Variants in DUOX1 observed in about 807,000 individuals in gnomAD.
The protein encoded by DUOX1 is NADPH thyroid oxidase 1.
DUOX1 carries 134 observed loss-of-function variants against 181.8 expected under a neutral mutation model. The observed-to-expected ratio is 0.74, with a 90% CI of 0.64 to 0.85. The LOEUF (loss-of-function observed/expected upper bound fraction) is 0.85. Among genes scored for constraint, DUOX1 ranks in the 40% least tolerant of loss-of-function variants. The pLI is 0.00. For synonymous variants in DUOX1, 798 were observed against 832.5 expected (o/e 0.96, Z 0.71); for missense variants, 1,814 against 2,064.4 (o/e 0.88, Z 2.35).
chr15:45,140,034 GC>G, intron 12 of DUOX1: 1 of 1,358,142 alleles, frequency 7.4e-7, no homozygotes, highest in Non-Finnish European at 9.9e-7. Flanking sequence ...TGAGGCGGAG[GC>G]CCAGCATGCC....
rs766223570 is a variant in DUOX1 at position 45,161,799 on chromosome 15, G to A, written c.3918G>A (p.Val1306=). 6.8e-6 allele frequency: 11 copies of A among 1,614,046 alleles called. No homozygotes were observed. The highest frequency in any genetic ancestry group is 1.1e-5 in the South Asian group (1 of 91,076). ...TTGAGTACAAGTCAGGGCAGTGGGT[G>A]CGGATCGCTTGCCTGGCTCTGGGGA... The part of the protein sequence containing the change: ...QGFEYKSGQW[V]RIACLALGTT... Residue 1306 remains valine, a synonymous_variant, in exon 30 of 34, where the codon GTG becomes GTA. Coordinates refer to ENST00000389037, the MANE Select transcript of DUOX1 (RefSeq NM_175940.3).
Position 45,135,581 on chromosome 15 carries a change from C to T in DUOX1, c.603C>T (p.Pro201=), listed in dbSNP as rs76210824. 6.7e-3 allele frequency: 10,433 copies of T among 1,562,038 alleles called. 221 individuals carry two copies. The African/African-American group carries it at 0.12, about 18-fold the overall frequency. ...SFSRGQLASG[P]DPAFPRDSQN... ...CCAGGGGACAGCTGGCGTCGGGGCC[C>T]GACCCCGCTTTTCCCCGAGACTCGC... is the stretch of plus-strand genomic sequence containing the variant. The change falls in exon 6 of 34, where the codon CCC becomes CCT. Residue 201 remains proline (P), a synonymous_variant. Transcript: ENST00000389037.
chr15:45,156,181 C>T (rs1371838998), intron 28 of DUOX1, among the ~76,000 whole-genome samples: 1 of 152,178 alleles, frequency 6.6e-6, no homozygotes, highest in East Asian at 1.9e-4. Context: ...GATCTCCATT[C>T]CTCGCAGACA....
chr15:45,135,380 GC>G, intron 5 of DUOX1, 89 bp downstream of exon 5: 1 of 1,495,094 alleles, frequency 6.7e-7, no homozygotes, highest in South Asian at 1.3e-5. Context: ...GGGGAGAGGC[GC>G]CCACTCCCCA....
At position 45,152,476 on chromosome 15, in the gene DUOX1, C is replaced by G. The variant is rs747644262; in HGVS notation, c.3384C>G (p.Asp1128Glu). The stretch of plus-strand genomic sequence containing the variant: ...ACGTGCCCTTCGACGCCGCCGTGGA[C>G]TTCCATCGCCTCATTGCCTCCACCG... ...NRYVPFDAAVDFHRLIASTAI... is the reference protein window; with the variant it reads ...NRYVPFDAAVEFHRLIASTAI... Residue 1128 changes from aspartate (D) to glutamate (E), a missense_variant, in exon 25 of 34, where the codon GAC (aspartate) becomes GAG (glutamate). Transcript: ENST00000389037. 1 of 1,614,070 alleles carries G rather than the reference C, an allele frequency of 6.2e-7. No homozygotes were observed. Among genetic ancestry groups the G allele is most frequent in the African/African-American group, 1.3e-5 (1 of 74,936 alleles).
intron 7 of DUOX1, 71 bp downstream of exon 7, chr15:45,136,019 G>A: frequency 9.5e-7 from 1 of 1,048,484 alleles, no homozygotes; most frequent in Non-Finnish European, 1.4e-6. Context: ...CTGCCCCATG[G>A]AGCTCCCCAT....
intron 9 of DUOX1, among the ~76,000 whole-genome samples, chr15:45,137,452 T>C (rs1048370761): frequency 1.3e-5 from 2 of 151,996 alleles, no homozygotes; most frequent in Non-Finnish European, 2.9e-5. Context: ...TTTATATTTT[T>C]ACAATTGCTT....
intron 19 of DUOX1, 122 bp downstream of exon 19, chr15:45,147,780 A>T: frequency 2.6e-6 from 4 of 1,536,108 alleles, no homozygotes; most frequent in Non-Finnish European, 3.6e-6. Flanking sequence ...CGAGGTCAGG[A>T]AGCAGAGCGA....
At chr15:45,151,833 C>G in intron 23 of DUOX1, 41 bp from the exon 24 acceptor site, 1 of 1,584,650 alleles carries the variant, frequency 6.3e-7, no homozygotes, top group Non-Finnish European at 8.6e-7. Flanking sequence ...AGCGTTGGGT[C>G]CCATGGTGGG....
In DUOX1 at chr15:45,140,910, G is replaced by GTAC; in HGVS notation, c.1405_1406insTAC (p.Ala469delinsValPro). On this transcript the variant is annotated protein_altering_variant, in exon 13 of 34. Transcript: ENST00000389037. ...TTGGTTCCAGGTACTGGAGGCCACA[G>GTAC]CTGCCCTGTACAACCAGGACTTATC... 6.2e-7 allele frequency: 1 copy of GTAC among 1,614,068 alleles called. No homozygotes were observed. Among genetic ancestry groups the GTAC allele is most frequent in the Non-Finnish European group, 8.5e-7 (1 of 1,179,996 alleles).
intron 14 of DUOX1, 39 bp from the exon 15 acceptor site, chr15:45,141,936 G>GCCCC (rs775522967): frequency 3.8e-6 from 6 of 1,586,164 alleles, no homozygotes. Context: ...AGCACCTGTG[G>GCCCC]CCCAGCACCC....
rs878953307 is a variant in DUOX1 at position 45,138,971 on chromosome 15, C to T, written c.1114-95C>T. 8 of 1,148,998 alleles carry T rather than the reference C, an allele frequency of 7.0e-6. No individual in the cohort carries two copies. The South Asian group carries it at 1.2e-4, about 18-fold the overall frequency. 71.2% of individuals were successfully genotyped at this position (1,148,998 alleles called of 1,614,324 possible). ...GGAGCAAACAGCAGGACTGGGTGGGCTCAGGGATAAGGATGATGGTGTGGA... is the reference window on the plus strand; with the variant it reads ...GGAGCAAACAGCAGGACTGGGTGGGTTCAGGGATAAGGATGATGGTGTGGA... On this transcript the variant is annotated intron_variant, in intron 10 of 33. Coordinates refer to ENST00000389037, the MANE Select transcript of DUOX1 (RefSeq NM_175940.3).
At chr15:45,140,388 A>C (rs542487668) in intron 12 of DUOX1, 5 of 224,176 alleles carry the variant, frequency 2.2e-5, no homozygotes, top group Non-Finnish European at 4.5e-5. Context: ...AATGGGCCTC[A>C]GTGGGATTAA....
rs1474522862 is a variant in DUOX1 at position 45,136,344 on chromosome 15, C to G, written c.865-6C>G. 6.2e-7 allele frequency: 1 copy of G among 1,613,540 alleles called. No individual in the cohort carries two copies. The highest frequency in any genetic ancestry group is 1.3e-5 in the African/African-American group (1 of 75,006). ...GTGCCTCCCCTCGCCCCTCTCTGCC[C>G]CTCAGAACATCGCTGTGTATGAGTG... On this transcript the variant is annotated splice_region_variant and splice_polypyrimidine_tract_variant and intron_variant, in intron 7 of 33. Coordinates refer to ENST00000389037, the MANE Select transcript of DUOX1 (RefSeq NM_175940.3).
rs761957936 is a variant in DUOX1 at position 45,145,097 on chromosome 15, A to G, written c.2322+17A>G. On this transcript the variant is annotated intron_variant, in intron 18 of 33. Coordinates refer to ENST00000389037, the MANE Select transcript of DUOX1 (RefSeq NM_175940.3). The stretch of plus-strand genomic sequence containing the variant: ...TTCTCCCAGGTGTGTACATGGGACC[A>G]GATCAATCCTTATGCTGTGGTGGTG... The G allele has an allele frequency of 6.4e-7, 1 of 1,570,936 alleles. No individual in the cohort carries two copies. Among genetic ancestry groups the G allele is most frequent in the Non-Finnish European group, 8.6e-7 (1 of 1,159,398 alleles).
chr15:45,153,698 C>T, intron 26 of DUOX1: 1 of 650,860 alleles, frequency 1.5e-6, no homozygotes, highest in Non-Finnish European at 2.7e-6. Context: ...GGTGCCTCCC[C>T]TGAAGGGTCC....
chr15:45,163,810 C>T lies in DUOX1; in HGVS notation c.4425C>T (p.Phe1475=). 6.2e-7 allele frequency: 1 copy of T among 1,614,118 alleles called. No homozygotes were observed. The highest frequency in any genetic ancestry group is 1.1e-5 in the South Asian group (1 of 91,084). ...TTMLYICERH[F]QKVLNRSLFT... is the part of the protein sequence containing the mutation. ...CATAGTACATCTGTGAGCGGCACTTCCAGAAGGTTCTGAACCGGAGTCTAT... is the reference window on the plus strand; with the variant it reads ...CATAGTACATCTGTGAGCGGCACTTTCAGAAGGTTCTGAACCGGAGTCTAT... Residue 1475 remains phenylalanine, a synonymous_variant, in exon 33 of 34, where the codon TTC becomes TTT. Coordinates refer to ENST00000389037, the MANE Select transcript of DUOX1 (RefSeq NM_175940.3).
rs1488524437 is a variant in DUOX1 at position 45,135,151 on chromosome 15, C to T, written c.355C>T (p.Pro119Ser). The change falls in exon 5 of 34, where the codon CCC becomes TCC. Residue 119 changes from proline to serine, a missense_variant. Coordinates refer to ENST00000389037, the MANE Select transcript of DUOX1 (RefSeq NM_175940.3). The part of the protein sequence containing the change: ...DLVSVETPGC[P>S]AEFLNIRIPP... ...GGTGAGCGTGGAAACTCCCGGCTGC[C>T]CCGCCGAGTTCCTCAACATTCGCAT... The T allele has an allele frequency of 1.2e-6, 2 of 1,613,800 alleles. No individual in the cohort carries two copies. Among genetic ancestry groups the T allele is most frequent in the South Asian group, 1.1e-5 (1 of 91,068 alleles).
rs374103278 is a variant in DUOX1 at position 45,137,882 on chromosome 15, C to A, written c.1023-42C>A. On this transcript the variant is annotated intron_variant, in intron 9 of 33. Transcript: ENST00000389037. Reference sequence around the variant, plus strand: ...CAGAACTGATGCCTGACATTATAACCCCATTATCTCAATCACCATCTCCCT... The same window carrying A: ...CAGAACTGATGCCTGACATTATAACACCATTATCTCAATCACCATCTCCCT... 13 of 1,486,352 alleles carry A rather than the reference C, an allele frequency of 8.7e-6. No homozygotes were observed. The East Asian group carries it at 3.1e-4, about 35-fold the overall frequency. 92.1% of individuals were successfully genotyped at this position (1,486,352 alleles called of 1,614,324 possible). A position where few individuals can be genotyped will look rare whatever the true frequency, so the allele number is the denominator to read the frequency against.
Sources: gnomAD v4.1 joint callset for allele counts (sites outside exome capture counted in the v4.1 genomes callset) on GRCh38, gnomAD v4.1.1 for gene constraint, MANE v1.5 for transcripts, NCBI Gene and HGNC (gene_info 2026-07-23, HGNC 2026-07-21) for gene names.